SLC35D4: variants seen among roughly 807,000 people sequenced by gnomAD.
The protein encoded by SLC35D4 is UDP-N-acetylglucosamine transporter SLC35D4.
At chr18:23,286,926 G>C in the SLC35D4 span, among the ~76,000 whole-genome samples, 1 of 151,148 alleles carries the variant, frequency 6.6e-6, no homozygotes, top group African/African-American at 2.4e-5. Context: ...TCCTCCTCTT[G>C]TATCCCCCCA....
the SLC35D4 span, among the ~76,000 whole-genome samples, chr18:23,433,356 G>A: frequency 6.6e-6 from 1 of 152,120 alleles, no homozygotes; most frequent in African/African-American, 2.4e-5. Context: ...GTCTACTTCT[G>A]CTGTTTACCC....
the SLC35D4 span, among the ~76,000 whole-genome samples, chr18:23,361,561 C>T: frequency 2.0e-5 from 3 of 152,104 alleles, no homozygotes; most frequent in African/African-American, 7.3e-5. Flanking sequence ...CTGCAATGAC[C>T]CCACCTCAGC....
At chr18:23,432,600 GA>G in the SLC35D4 span, among the ~76,000 whole-genome samples, 1 of 150,446 alleles carries the variant, frequency 6.6e-6, no homozygotes, top group South Asian at 2.1e-4. Flanking sequence ...ATAATCACTT[GA>G]ACCCGGGAGG....
At chr18:23,350,512 G>A in the SLC35D4 span, among the ~76,000 whole-genome samples, 1 of 152,150 alleles carries the variant, frequency 6.6e-6, no homozygotes, top group East Asian at 1.9e-4. Context: ...CCAGGAATAC[G>A]TGAGCCTGTT....
At chr18:23,368,672 T>C in the SLC35D4 span, 1 of 1,165,332 alleles carries the variant, frequency 8.6e-7, no homozygotes, top group Non-Finnish European at 1.2e-6. Flanking sequence ...TAAAAATCCA[T>C]TAGGATATGA....
chr18:23,385,106 T>C, the SLC35D4 span: 2 of 1,576,210 alleles, frequency 1.3e-6, no homozygotes, highest in Admixed American at 3.4e-5. Flanking sequence ...AAATATTTTC[T>C]TCGATCTCAT....
At chr18:23,311,705 C>T in the SLC35D4 span, among the ~76,000 whole-genome samples, 1 of 152,174 alleles carries the variant, frequency 6.6e-6, no homozygotes, top group Non-Finnish European at 1.5e-5. Context: ...TCCATTTTCA[C>T]TTTTCCTCAA....
At chr18:23,378,114 G>A in the SLC35D4 span, among the ~76,000 whole-genome samples, 1 of 151,608 alleles carries the variant, frequency 6.6e-6, no homozygotes, top group African/African-American at 2.4e-5. Flanking sequence ...AAACTCCTGG[G>A]CTCAAGCAAT....
the SLC35D4 span, chr18:23,437,951 C>A: frequency 2.4e-5 from 32 of 1,328,648 alleles, no homozygotes; most frequent in East Asian, 7.7e-5. Flanking sequence ...CGGCAGCAGC[C>A]GCCCAGAGAC....
chr18:23,380,713 A>G, the SLC35D4 span, among the ~76,000 whole-genome samples: 1 of 152,192 alleles, frequency 6.6e-6, no homozygotes, highest in South Asian at 2.1e-4. Flanking sequence ...ATATTAAACT[A>G]TAATAAATAA....
At chr18:23,307,412 T>C in the SLC35D4 span, among the ~76,000 whole-genome samples, 3 of 152,218 alleles carry the variant, frequency 2.0e-5, no homozygotes. Flanking sequence ...AACAATCACC[T>C]ATTGGTTTGA....
chr18:23,274,493 A>C, the SLC35D4 span, among the ~76,000 whole-genome samples: 1 of 152,220 alleles, frequency 6.6e-6, no homozygotes, highest in East Asian at 1.9e-4. Flanking sequence ...CAGTGGGGAA[A>C]GGTGGTCAAA....
the SLC35D4 span, among the ~76,000 whole-genome samples, chr18:23,361,916 G>T: frequency 1.3e-5 from 2 of 152,116 alleles, no homozygotes; most frequent in Non-Finnish European, 2.9e-5. Context: ...CCCTTTTAAA[G>T]TGTACACTTC....
the SLC35D4 span, among the ~76,000 whole-genome samples, chr18:23,273,676 A>G: frequency 6.6e-6 from 1 of 152,138 alleles, no homozygotes; most frequent in African/African-American, 2.4e-5. Flanking sequence ...TCACTTAGAT[A>G]TGGAAGCGCT....
At chr18:23,247,578 G>A in the SLC35D4 span, among the ~76,000 whole-genome samples, 6 of 152,318 alleles carry the variant, frequency 3.9e-5, no homozygotes, top group Non-Finnish European at 5.9e-5. Flanking sequence ...TGCCGCTGTC[G>A]ACATCAAGTG....
the SLC35D4 span, among the ~76,000 whole-genome samples, chr18:23,239,358 C>T: frequency 6.6e-6 from 1 of 152,236 alleles, no homozygotes; most frequent in Admixed American, 6.5e-5. Context: ...TGGTCGGCTC[C>T]TGGAGACCTA....
the SLC35D4 span, among the ~76,000 whole-genome samples, chr18:23,336,375 C>A: frequency 1.3e-4 from 20 of 152,150 alleles, no homozygotes; most frequent in Middle Eastern, 6.8e-3. Flanking sequence ...TATTGCCGAG[C>A]GAGAGTCTGC....
the SLC35D4 span, among the ~76,000 whole-genome samples, chr18:23,367,850 G>C: frequency 6.6e-6 from 1 of 151,696 alleles, no homozygotes; most frequent in African/African-American, 2.4e-5. Context: ...TTGAGCTCTG[G>C]GGCTCAAGTG....
At chr18:23,379,125 C>CT in the SLC35D4 span, among the ~76,000 whole-genome samples, 32,624 of 139,338 alleles carry the variant, frequency 0.23, 4,263 homozygotes, top group East Asian at 0.4. Context: ...CTCAAAAATT[C>CT]TTTTTTTTTT....
Sources: gnomAD v4.1 joint callset for allele counts (sites outside exome capture counted in the v4.1 genomes callset) on GRCh38, gnomAD v4.1.1 for gene constraint, MANE v1.5 for transcripts, NCBI Gene and HGNC (gene_info 2026-07-23, HGNC 2026-07-21) for gene names.